GMPS: variants seen among roughly 807,000 people sequenced by gnomAD.
GMPS encodes the protein guanosine monophosphate synthase, also known as GMP synthase [glutamine-hydrolyzing].
A neutral mutation model predicts 77.9 loss-of-function variants in GMPS; 15 were observed. That is an observed-to-expected ratio of 0.19 (90% CI 0.13 to 0.30). The LOEUF is 0.30. GMPS is among the 10% of genes least tolerant of loss of function. GMPS has a pLI of 1.00. For synonymous variants in GMPS, 224 were observed against 275.9 expected, an observed-to-expected ratio of 0.81 and a Z score of 1.86; for missense variants, 590 against 838.8, an observed-to-expected ratio of 0.70 and a Z score of 3.66.
At chr3:155,888,791 G>A (rs555101800) in intron 1 of GMPS, among the ~76,000 whole-genome samples, 36 of 152,062 alleles carry the variant, frequency 2.4e-4, no homozygotes, top group Admixed American at 2.3e-3. Flanking sequence ...TACCACGTTA[G>A]CCAGGCTGGT....
At chr3:155,895,317 T>C (rs1754576434) in intron 2 of GMPS, 1 of 152,110 alleles carries the variant, frequency 6.6e-6, no homozygotes, top group Non-Finnish European at 1.5e-5. Flanking sequence ...TTTTTTATTA[T>C]TTTTTTGAGA....
intron 13 of GMPS, among the ~76,000 whole-genome samples, chr3:155,933,270 T>C (rs910365570): frequency 6.6e-6 from 1 of 152,078 alleles, no homozygotes; most frequent in African/African-American, 2.4e-5. Flanking sequence ...TGAATTGGAG[T>C]TTAAAAATAT....
chr3:155,941,402 C>A lies in GMPS; in HGVS notation c.*3710C>A, dbSNP rs116624995. 4.3e-3 allele frequency: 684 copies of A among 157,352 alleles called. No individual in the cohort carries two copies. The highest frequency in any genetic ancestry group is 6.5e-3 in the Admixed American group (91 of 13,902). The allele number at this position is 157,352 out of a possible 1,614,324, so 9.7% of individuals were successfully genotyped here. A position where few individuals can be genotyped will look rare whatever the true frequency, so the allele number is the denominator to read the frequency against. ...CTGGTGAAAGAGCGAGACTCAGTCT[C>A]AAAAAAAAAAAAAAAAGGAAGTTCT... On this transcript the variant is annotated 3_prime_UTR_variant, in exon 16 of 16. Coordinates refer to ENST00000496455, the MANE Select transcript of GMPS (RefSeq NM_003875.3).
chr3:155,876,522 A>T (rs1477331327), intron 1 of GMPS, among the ~76,000 whole-genome samples: 4 of 152,200 alleles, frequency 2.6e-5, no homozygotes, highest in African/African-American at 9.7e-5. Context: ...AGTTTAACAA[A>T]CCCGTCCTAT....
intron 12 of GMPS, among the ~76,000 whole-genome samples, chr3:155,929,284 C>T (rs1357472691): frequency 2.0e-5 from 3 of 151,964 alleles, no homozygotes; most frequent in African/African-American, 7.2e-5. Flanking sequence ...TCTCTGATGG[C>T]CAGTGATGAT....
chr3:155,932,647 C>T (rs992175991), intron 13 of GMPS, among the ~76,000 whole-genome samples: 1 of 152,146 alleles, frequency 6.6e-6, no homozygotes, highest in African/African-American at 2.4e-5. Flanking sequence ...CAGTTTTCTT[C>T]ATGGGTGTTA....
intron 1 of GMPS, among the ~76,000 whole-genome samples, chr3:155,885,123 C>G (rs1754306522): frequency 6.6e-6 from 1 of 152,218 alleles, no homozygotes; most frequent in South Asian, 2.1e-4. Flanking sequence ...TGAATACCTA[C>G]TAGCTTGAAA....
At position 155,928,368 on chromosome 3, in the gene GMPS, A is replaced by C. The variant is rs1755510915; in HGVS notation, c.1560+3002A>C. ...TAGATGCTATCACATTAGCATTCAC[A>C]TATGTTGAATTTTCACATTCTTAGT... On this transcript the variant is annotated intron_variant, in intron 12 of 15. Transcript: ENST00000496455. Among the ~76,000 whole-genome samples, 3 of 152,054 alleles carry C rather than the reference A, an allele frequency of 2.0e-5. No homozygotes were observed. The South Asian group carries it at 6.2e-4, about 31-fold the overall frequency.
intron 1 of GMPS, among the ~76,000 whole-genome samples, chr3:155,889,031 C>T (rs891695161): frequency 6.6e-6 from 1 of 152,014 alleles, no homozygotes; most frequent in Non-Finnish European, 1.5e-5. Context: ...CCTGGCCTCC[C>T]TTTTTTTTAC....
chr3:155,924,159 G>A (rs932022902), intron 11 of GMPS, among the ~76,000 whole-genome samples: 1 of 152,186 alleles, frequency 6.6e-6, no homozygotes, highest in African/African-American at 2.4e-5. Context: ...GATTACAGGC[G>A]TGAGCCACTG....
chr3:155,928,278 C>T (rs74357749), intron 12 of GMPS, among the ~76,000 whole-genome samples: 2 of 150,896 alleles, frequency 1.3e-5, no homozygotes, highest in African/African-American at 2.4e-5. Flanking sequence ...CCACCCGCCT[C>T]GGCCTCCCAA....
At chr3:155,876,491 T>A (rs1303564809) in intron 1 of GMPS, among the ~76,000 whole-genome samples, 1 of 152,158 alleles carries the variant, frequency 6.6e-6, no homozygotes, top group Non-Finnish European at 1.5e-5. Context: ...TAGCCGAAGG[T>A]GGTATTAGAT....
intron 1 of GMPS, among the ~76,000 whole-genome samples, chr3:155,887,631 C>T (rs1470402217): frequency 6.6e-6 from 1 of 152,044 alleles, no homozygotes; most frequent in Non-Finnish European, 1.5e-5. Flanking sequence ...CCATAAACAC[C>T]TTGTTTTTGA....
chr3:155,931,117 T>C (rs539894478), intron 12 of GMPS, among the ~76,000 whole-genome samples: 2 of 151,962 alleles, frequency 1.3e-5, no homozygotes, highest in South Asian at 4.2e-4. Flanking sequence ...TGAGCTTCTG[T>C]ACCTGGCCTT....
At chr3:155,932,125 GAA>G (rs1755638173) in intron 13 of GMPS, among the ~76,000 whole-genome samples, 1 of 152,014 alleles carries the variant, frequency 6.6e-6, no homozygotes, top group Non-Finnish European at 1.5e-5. Context: ...ATTTAAAGGA[GAA>G]AGATTTTTAT....
chr3:155,929,044 A>G (rs1169120363), intron 12 of GMPS, among the ~76,000 whole-genome samples: 5 of 151,608 alleles, frequency 3.3e-5, no homozygotes. Context: ...TCGTTTGGGT[A>G]TATACCCAGT....
At chr3:155,924,006 G>A (rs545077032) in intron 11 of GMPS, among the ~76,000 whole-genome samples, 3 of 152,010 alleles carry the variant, frequency 2.0e-5, no homozygotes, top group Non-Finnish European at 4.4e-5. Flanking sequence ...TCAGCCTCCC[G>A]AGTAGCTGGG....
At chr3:155,891,332 A>G (rs1156291985) in intron 1 of GMPS, among the ~76,000 whole-genome samples, 1 of 152,240 alleles carries the variant, frequency 6.6e-6, no homozygotes, top group East Asian at 1.9e-4. Context: ...AATTTATGCA[A>G]TAATGTAGTG....
Position 155,940,520 on chromosome 3 carries a change from T to C in GMPS, c.*2828T>C. 4.6e-6 allele frequency: 1 copy of C among 216,242 alleles called. No individual in the cohort carries two copies. Among genetic ancestry groups the C allele is most frequent in the Non-Finnish European group, 9.3e-6 (1 of 107,304 alleles). 13.4% of individuals were successfully genotyped at this position (216,242 alleles called of 1,614,324 possible). A position where few individuals can be genotyped will look rare whatever the true frequency, so the allele number is the denominator to read the frequency against. ...TTTACTGAATAACTTGACCCTAACCTGTAGAGAATAAGAGCATTCAAATTA... is the reference window on the plus strand; with the variant it reads ...TTTACTGAATAACTTGACCCTAACCCGTAGAGAATAAGAGCATTCAAATTA... On this transcript the variant is annotated 3_prime_UTR_variant, in exon 16 of 16. Transcript: ENST00000496455.
Sources: allele counts gnomAD v4.1 joint callset (sites outside exome capture counted in the v4.1 genomes callset), GRCh38; gene constraint gnomAD v4.1.1; transcripts MANE v1.5; gene names NCBI Gene and HGNC (gene_info 2026-07-23, HGNC 2026-07-21).